PDZD9: variants seen among roughly 807,000 people sequenced by gnomAD.
The protein encoded by PDZD9 is PDZ domain containing 9.
Under a neutral mutation model 16.3 loss-of-function variants are expected in PDZD9, and 13 were observed. The ratio of observed to expected loss-of-function variants is 0.80; its 90% CI spans 0.52 to 1.27. The LOEUF is 1.27. PDZD9 is among the 50% of genes most tolerant of loss of function. The probability of loss-of-function intolerance (pLI) is 0.00; values close to 1 mark genes in which losing one functional copy is unlikely to be tolerated. For missense variants in PDZD9, 288 were observed against 310.9 expected (o/e 0.93, Z 0.55); for synonymous variants, 120 against 111.0 (o/e 1.08, Z -0.51).
At chr16:21,983,519 C>T (rs1419338836), downstream of PDZD9, 2 of 311,206 alleles carry the variant, frequency 6.4e-6, no homozygotes, top group Admixed American at 4.9e-5. Flanking sequence ...TGCCAGATTA[C>T]TATTGGTGGC....
the PDZD9 span, chr16:21,965,620 C>A: frequency 1.2e-6 from 1 of 854,254 alleles, no homozygotes; most frequent in Non-Finnish European, 1.6e-6. Flanking sequence ...AGAAATTCAG[C>A]GTGCTAGCTT....
chr16:21,989,021 C>G (rs939254604), intron 2 of PDZD9, among the ~76,000 whole-genome samples: 1 of 151,258 alleles, frequency 6.6e-6, no homozygotes, highest in South Asian at 2.1e-4. Flanking sequence ...CTCCGCCTCC[C>G]AGGTTCAAGT....
At chr16:21,974,316 CAG>C in the PDZD9 span, among the ~76,000 whole-genome samples, 1 of 152,000 alleles carries the variant, frequency 6.6e-6, no homozygotes, top group Non-Finnish European at 1.5e-5. Flanking sequence ...GTGTTGAAAT[CAG>C]GGATATGTGT....
At chr16:21,982,050 C>CAG (rs562775237), downstream of PDZD9, among the ~76,000 whole-genome samples, 48 of 151,988 alleles carry the variant, frequency 3.2e-4, no homozygotes, top group African/African-American at 9.2e-4. Flanking sequence ...CCATGTTAGC[C>CAG]AGGATGGTCT....
chr16:21,965,675 TTG>T, the PDZD9 span: 1 of 531,380 alleles, frequency 1.9e-6, no homozygotes. Context: ...TGAACAATTT[TTG>T]TGTCTCCTTT....
chr16:21,971,481 T>C, the PDZD9 span: 1 of 1,454,180 alleles, frequency 6.9e-7, no homozygotes, highest in Non-Finnish European at 9.5e-7. Flanking sequence ...GATTGTGTTT[T>C]AGTAATTGTG....
At chr16:21,962,353 T>A in the PDZD9 span, 2 of 1,373,078 alleles carry the variant, frequency 1.5e-6, no homozygotes, top group Non-Finnish European at 2.0e-6. Flanking sequence ...TCGCACCTTT[T>A]ATACTTCAGA....
chr16:21,962,422 G>C, the PDZD9 span: 2 of 1,611,734 alleles, frequency 1.2e-6, no homozygotes, highest in African/African-American at 2.7e-5. Flanking sequence ...TTACTATCCT[G>C]ATTCAGATGA....
chr16:21,960,007 T>A, the PDZD9 span, among the ~76,000 whole-genome samples: 1 of 152,198 alleles, frequency 6.6e-6, no homozygotes, highest in African/African-American at 2.4e-5. Context: ...TTAGCATAAT[T>A]CCTAAGGGCT....
the PDZD9 span, chr16:21,965,291 A>C: frequency 1.2e-6 from 1 of 828,760 alleles, no homozygotes; most frequent in East Asian, 2.7e-5. Context: ...AAGTCCTCTT[A>C]ACATATGAAT....
the PDZD9 span, chr16:21,971,925 G>A: frequency 6.2e-7 from 1 of 1,613,836 alleles, no homozygotes; most frequent in Non-Finnish European, 8.5e-7. Context: ...GGCCCCAGGT[G>A]AAATCCGAGA....
chr16:21,992,263 TA>T (rs572741047), intron 2 of PDZD9, among the ~76,000 whole-genome samples: 1 of 152,012 alleles, frequency 6.6e-6, no homozygotes. Context: ...AAATTGGAGT[TA>T]AAAAAAGATA....
the PDZD9 span, among the ~76,000 whole-genome samples, chr16:21,963,782 AAG>A: frequency 8.5e-5 from 13 of 152,054 alleles, no homozygotes; most frequent in East Asian, 2.5e-3. Context: ...AGTGATTTTT[AAG>A]AGTTGTTTTG....
chr16:21,972,124 T>C, the PDZD9 span: 1 of 1,612,150 alleles, frequency 6.2e-7, no homozygotes, highest in Non-Finnish European at 8.5e-7. Flanking sequence ...CCATTTGATG[T>C]GAGTCTGAAC....
intron 3 of PDZD9, among the ~76,000 whole-genome samples, chr16:21,985,131 T>G (rs935641782): frequency 6.6e-6 from 1 of 152,000 alleles, no homozygotes; most frequent in Non-Finnish European, 1.5e-5. Context: ...GAGTCTTTTT[T>G]TTAGAGAGGG....
chr16:21,980,887 T>A (rs1161008910), downstream of PDZD9, among the ~76,000 whole-genome samples: 23 of 152,144 alleles, frequency 1.5e-4, no homozygotes, highest in Admixed American at 1.5e-3. Context: ...AGCTCGAGTA[T>A]ATGTATCTTC....
At chr16:21,995,746 C>T (rs903321402) in intron 2 of PDZD9, among the ~76,000 whole-genome samples, 1 of 151,884 alleles carries the variant, frequency 6.6e-6, no homozygotes, top group Non-Finnish European at 1.5e-5. Context: ...TACAGGCGCC[C>T]GCCACTAGGC....
At chr16:21,979,142 G>C (rs1898654945), downstream of PDZD9, among the ~76,000 whole-genome samples, 1 of 152,188 alleles carries the variant, frequency 6.6e-6, no homozygotes, top group African/African-American at 2.4e-5. Flanking sequence ...TGTGACCCCA[G>C]CTGTGGGCCA....
intron 2 of PDZD9, among the ~76,000 whole-genome samples, chr16:21,989,832 C>T (rs1178093089): frequency 1.3e-5 from 2 of 152,138 alleles, no homozygotes; most frequent in African/African-American, 4.8e-5. Flanking sequence ...ACCCCCGAAA[C>T]CCCCAAATTG....
Sources: gnomAD v4.1 joint callset for allele counts (sites outside exome capture counted in the v4.1 genomes callset) on GRCh38, gnomAD v4.1.1 for gene constraint, MANE v1.5 for transcripts, NCBI Gene and HGNC (gene_info 2026-07-23, HGNC 2026-07-21) for gene names.